Variants in CHRM3 observed in about 807,000 individuals in gnomAD.
CHRM3 encodes cholinergic receptor muscarinic 3, also known as muscarinic acetylcholine receptor M3.
A neutral mutation model predicts 41.8 loss-of-function variants in CHRM3; 11 were observed. The observed-to-expected ratio is 0.26, with a 90% CI of 0.17 to 0.44. The LOEUF is 0.44. CHRM3 is among the 20% of genes least tolerant of loss of function. CHRM3 has a pLI of 1.00. For synonymous variants in CHRM3, 297 were observed against 301.4 expected (o/e 0.99, Z 0.15); for missense variants, 571 against 745.4 (o/e 0.77, Z 2.72).
chr1:239,755,971 A>G (rs977789400), intron 5 of CHRM3, among the ~76,000 whole-genome samples: 2 of 152,214 alleles, frequency 1.3e-5, no homozygotes, highest in African/African-American at 4.8e-5. Flanking sequence ...TAATAAAACT[A>G]TATAGATGAG....
chr1:239,576,594 GCACA>G lies in CHRM3; in HGVS notation c.-313+30870_-313+30873del, dbSNP rs3063538. 6.2e-3 allele frequency among the ~76,000 whole-genome samples: 879 copies of G among 141,770 alleles called. 2 individuals are homozygous for G. The highest frequency in any genetic ancestry group is 0.018 in the African/African-American group (675 of 38,438). The allele number at this position is 141,770 out of a possible 152,430, so 93.0% of individuals were successfully genotyped here. A position where few individuals can be genotyped will look rare whatever the true frequency, so the allele number is the denominator to read the frequency against. The stretch of plus-strand genomic sequence containing the variant: ...CATCTCTACACACACACACACACAC[GCACA>G]CACACACACACACACACACACACAA... On this transcript the variant is annotated intron_variant, in intron 3 of 6. Transcript: ENST00000676153.
chr1:239,431,612 G>C (rs964087934), intron 1 of CHRM3, among the ~76,000 whole-genome samples: 4 of 152,162 alleles, frequency 2.6e-5, no homozygotes, highest in Non-Finnish European at 5.9e-5. Flanking sequence ...CCGATGCTGT[G>C]TATTTCACAG....
rs368774804 is a variant in CHRM3, at chr1:239,574,939, G to T, written c.-313+29190G>T. ...CTTTTATTTTATTTTATTTTGAATG[G>T]AGGTAACAATCTTAATCAATGATTT... On this transcript the variant is annotated intron_variant, in intron 3 of 6. Transcript: ENST00000676153. Among the ~76,000 whole-genome samples, 100 of 152,110 alleles carry T rather than the reference G, an allele frequency of 6.6e-4. 1 individual carries two copies. The South Asian group carries it at 0.02, about 30-fold the overall frequency.
intron 1 of CHRM3, among the ~76,000 whole-genome samples, chr1:239,430,202 G>A (rs570850074): frequency 2.0e-5 from 3 of 151,890 alleles, no homozygotes; most frequent in South Asian, 2.1e-4. Flanking sequence ...TCCTGACCTC[G>A]TGATCCGCCC....
intron 5 of CHRM3, among the ~76,000 whole-genome samples, chr1:239,786,734 A>C (rs35089367): frequency 6.4e-5 from 2 of 31,264 alleles, no homozygotes; most frequent in African/African-American, 5.8e-4. Flanking sequence ...CATGCTGCTG[A>C]AGGTGTCATA....
intron 3 of CHRM3, among the ~76,000 whole-genome samples, chr1:239,598,220 C>T (rs1203310175): frequency 2.0e-5 from 3 of 151,916 alleles, no homozygotes; most frequent in Admixed American, 1.3e-4. Context: ...TATTGTTCTC[C>T]TATTATTATT....
At chr1:239,575,968 C>T (rs1036894290) in intron 3 of CHRM3, among the ~76,000 whole-genome samples, 1 of 152,110 alleles carries the variant, frequency 6.6e-6, no homozygotes, top group East Asian at 1.9e-4. Flanking sequence ...TTCCCTACCT[C>T]CCCTACCCCT....
chr1:239,582,705 C>T (rs1427606963), intron 3 of CHRM3, among the ~76,000 whole-genome samples: 1 of 152,130 alleles, frequency 6.6e-6, no homozygotes, highest in Non-Finnish European at 1.5e-5. Flanking sequence ...ATCATCTTCT[C>T]TTTCCTGGGT....
chr1:239,885,537 A>G (rs929066359), intron 6 of CHRM3, among the ~76,000 whole-genome samples: 3 of 152,126 alleles, frequency 2.0e-5, no homozygotes, highest in Non-Finnish European at 4.4e-5. Flanking sequence ...CAATATCACA[A>G]CATGTTTCTG....
At chr1:239,562,468 TA>T (rs1660948896) in intron 3 of CHRM3, among the ~76,000 whole-genome samples, 2 of 152,124 alleles carry the variant, frequency 1.3e-5, no homozygotes, top group South Asian at 4.1e-4. Context: ...ACCATAAAAA[TA>T]AAAGGATTGT....
At chr1:239,552,903 A>T (rs1018804441) in intron 3 of CHRM3, among the ~76,000 whole-genome samples, 1 of 151,964 alleles carries the variant, frequency 6.6e-6, no homozygotes, top group Non-Finnish European at 1.5e-5. Context: ...ACATTTCTGG[A>T]TTACTATTTT....
At chr1:239,694,321 C>T (rs963192355) in intron 5 of CHRM3, among the ~76,000 whole-genome samples, 2 of 152,174 alleles carry the variant, frequency 1.3e-5, no homozygotes, top group African/African-American at 4.8e-5. Context: ...TCCTTCTCTG[C>T]CTCACTGTGA....
intron 6 of CHRM3, among the ~76,000 whole-genome samples, chr1:239,881,227 G>A (rs1344037669): frequency 3.7e-5 from 5 of 136,244 alleles, no homozygotes; most frequent in Admixed American, 1.6e-4. Context: ...AGCTTGCAGT[G>A]AGCCGAGATC....
intron 1 of CHRM3, among the ~76,000 whole-genome samples, chr1:239,392,124 A>G (rs576588531): frequency 1.3e-5 from 2 of 152,268 alleles, no homozygotes; most frequent in Admixed American, 1.3e-4. Context: ...CTTGCCAAGA[A>G]CTTCTCTCCA....
chr1:239,414,254 C>A (rs1389202436), intron 1 of CHRM3, among the ~76,000 whole-genome samples: 4 of 152,114 alleles, frequency 2.6e-5, no homozygotes, highest in Non-Finnish European at 5.9e-5. Flanking sequence ...AACACATATG[C>A]TTTGATAACA....
chr1:239,724,850 T>TTTACCATCTAAATATGGTC (rs1663289033), intron 5 of CHRM3, among the ~76,000 whole-genome samples: 1 of 151,860 alleles, frequency 6.6e-6, no homozygotes, highest in Non-Finnish European at 1.5e-5. Flanking sequence ...GCCTTATGGT[T>TTTACCATCTAAATATGGTC]TTACCATCTA....
At chr1:239,781,641 T>G (rs186583110) in intron 5 of CHRM3, among the ~76,000 whole-genome samples, 1 of 152,296 alleles carries the variant, frequency 6.6e-6, no homozygotes, top group Admixed American at 6.5e-5. Flanking sequence ...TAGCTGGAAC[T>G]TCCAGTGTCA....
intron 6 of CHRM3, among the ~76,000 whole-genome samples, chr1:239,872,197 G>T (rs180699240): frequency 7.6e-4 from 116 of 152,256 alleles, no homozygotes; most frequent in Middle Eastern, 6.8e-3. Context: ...ATGGCAGTGT[G>T]GTGTGAGCAA....
chr1:239,443,755 T>C lies in CHRM3; in HGVS notation c.-520-48954T>C, dbSNP rs577767187. On this transcript the variant is annotated intron_variant, in intron 1 of 6. Coordinates refer to ENST00000676153, the MANE Select transcript of CHRM3 (RefSeq NM_001375978.1). ...GAAGAAAATCTTAAGAGAAATACTT[T>C]TCTTCATTTTAGCATTAGTCAGTAT... is the stretch of plus-strand genomic sequence containing the variant. Among the ~76,000 whole-genome samples the C allele has an allele frequency of 1.2e-4, 19 of 152,322 alleles. No individual in the cohort carries two copies. The South Asian group carries it at 1.7e-3, about 13-fold the overall frequency.
Sources: gnomAD v4.1 joint callset for allele counts (sites outside exome capture counted in the v4.1 genomes callset) on GRCh38, gnomAD v4.1.1 for gene constraint, MANE v1.5 for transcripts, NCBI Gene and HGNC (gene_info 2026-07-23, HGNC 2026-07-21) for gene names.